Variants in HERC1 observed in about 807,000 individuals in gnomAD.
HERC1 encodes probable E3 ubiquitin-protein ligase HERC1.
Under a neutral mutation model 554.3 loss-of-function variants are expected in HERC1, and 160 were observed. That is an observed-to-expected ratio of 0.29 (90% CI 0.25 to 0.33). HERC1 has a LOEUF of 0.33. Among genes scored for constraint, HERC1 ranks in the 10% least tolerant of loss-of-function variants. The pLI, the probability that HERC1 is intolerant of heterozygous loss-of-function variation, is 1.00. For synonymous variants in HERC1, 2,175 were observed against 2,131.7 expected (o/e 1.02, Z -0.56); for missense variants, 4,919 against 5,918.5 (o/e 0.83, Z 5.54).
rs28549901 is a variant in HERC1 at position 63,772,134 on chromosome 15, G to A, written c.930+2560C>T. 1.7e-4 allele frequency among the ~76,000 whole-genome samples: 26 copies of A among 151,174 alleles called. No homozygotes were observed. In the South Asian group the frequency reaches 4.6e-3, roughly 27 times the overall value. On this transcript the variant is annotated intron_variant, in intron 2 of 77. Transcript: ENST00000443617. Reference sequence around the variant, plus strand: ...CAAAACTCCATCTCAAAAAAAAAAAGGGAAAAAGGAAAAATATTTAAACTA... The same window carrying A: ...CAAAACTCCATCTCAAAAAAAAAAAAGGAAAAAGGAAAAATATTTAAACTA...
In HERC1 at chr15:63,753,152, A is replaced by G. The variant is rs1175480385; in HGVS notation, c.1775-67T>C. The G allele has an allele frequency of 5.7e-6, 7 of 1,218,816 alleles. No individual in the cohort carries two copies. In the East Asian group the frequency reaches 1.3e-4, roughly 22 times the overall value. The allele number at this position is 1,218,816 out of a possible 1,614,324, so 75.5% of individuals were successfully genotyped here. On this transcript the variant is annotated intron_variant, in intron 7 of 77. Transcript: ENST00000443617. The stretch of plus-strand genomic sequence containing the variant: ...AACCTCTACTCTTTTTAACACTACT[A>G]AAGTTGATAAGGAGCTCTAATGTTT...
rs746255337 is a variant in HERC1 at position 63,692,740 on chromosome 15, G to C, written c.5675-174C>G. ...GAATGGGGAAAGGTCAGAAAACAAA[G>C]CCTAAACTTGAAACGCCTTTTACAT... On this transcript the variant is annotated intron_variant, in intron 30 of 77. Coordinates refer to ENST00000443617, the MANE Select transcript of HERC1 (RefSeq NM_003922.4). This position sits in a 1 kb window ranked among gnomAD's most constrained non-coding sequence, Gnocchi z 4.7. Among the ~76,000 whole-genome samples the C allele has an allele frequency of 4.3e-4, 66 of 152,160 alleles. 1 individual carries two copies. The highest frequency in any genetic ancestry group is 5.9e-4 in the Admixed American group (9 of 15,282).
rs1293031380 is a variant in HERC1, at chr15:63,635,988, C to T, written c.12387G>A (p.Glu4129=). 1 of 1,613,892 alleles carries T rather than the reference C, an allele frequency of 6.2e-7. No individual in the cohort carries two copies. The highest frequency in any genetic ancestry group is 8.5e-7 in the Non-Finnish European group (1 of 1,179,850). Residue 4129 remains glutamate, a synonymous_variant, in exon 65 of 78, where the codon GAG becomes GAA. Coordinates refer to ENST00000443617, the MANE Select transcript of HERC1 (RefSeq NM_003922.4). The part of the protein sequence containing the change: ...SDRQRRPRQI[E]ALQGEEVVQM... ...GCACCACTTCTTCTCCTTGTAAGGC[C>T]TCGATCTGCCTGGGCCGCCGCTGCC...
chr15:63,619,710 G>A (rs1475009026), intron 74 of HERC1, among the ~76,000 whole-genome samples: 1 of 152,030 alleles, frequency 6.6e-6, no homozygotes, highest in Non-Finnish European at 1.5e-5. Flanking sequence ...ACTTCTTCCT[G>A]GTTTAGTCTT....
chr15:63,819,338 C>T (rs2077603987), intron 1 of HERC1, among the ~76,000 whole-genome samples: 2 of 152,162 alleles, frequency 1.3e-5, no homozygotes, highest in South Asian at 4.1e-4. Context: ...GCCTGCCTGT[C>T]TCACAGAGGT....
intron 21 of HERC1, among the ~76,000 whole-genome samples, chr15:63,717,556 C>T (rs2073612917): frequency 1.3e-5 from 2 of 152,152 alleles, no homozygotes; most frequent in Admixed American, 1.3e-4. Context: ...CTGGACTGTT[C>T]TTAATAAGTA....
chr15:63,765,644 C>A (rs1162133101), intron 2 of HERC1, among the ~76,000 whole-genome samples: 1 of 152,110 alleles, frequency 6.6e-6, no homozygotes, highest in Non-Finnish European at 1.5e-5. Flanking sequence ...AACGGCCAAT[C>A]AGAATATGTT....
chr15:63,637,846 G>C (rs983235583), intron 63 of HERC1, among the ~76,000 whole-genome samples: 49 of 152,106 alleles, frequency 3.2e-4, no homozygotes, highest in Non-Finnish European at 6.2e-4. Flanking sequence ...AGATGTATGA[G>C]ATTCATCCAT....
chr15:63,694,658 C>T lies in HERC1; in HGVS notation c.5243-109G>A. On this transcript the variant is annotated intron_variant, in intron 28 of 77. Coordinates refer to ENST00000443617, the MANE Select transcript of HERC1 (RefSeq NM_003922.4). The surrounding 1 kb of genome is among the most constrained non-coding windows in gnomAD (Gnocchi z 4.3). ...AACATGAAACACTAAATTATTTATTCTTTACCTATAAGTTTATCTACTAAT... is the reference window on the plus strand; with the variant it reads ...AACATGAAACACTAAATTATTTATTTTTTACCTATAAGTTTATCTACTAAT... The T allele has an allele frequency of 6.9e-7, 1 of 1,456,490 alleles. No individual in the cohort carries two copies. The highest frequency in any genetic ancestry group is 9.6e-7 in the Non-Finnish European group (1 of 1,046,860). The allele number at this position is 1,456,490 out of a possible 1,614,324, so 90.2% of individuals were successfully genotyped here.
chr15:63,613,189 C>T (rs77005371), intron 76 of HERC1, among the ~76,000 whole-genome samples: 3 of 152,074 alleles, frequency 2.0e-5, no homozygotes, highest in Admixed American at 6.6e-5. Flanking sequence ...TTAATTTTTC[C>T]GTCTGAAAAA....
At chr15:63,720,440 C>CA (rs2073770804) in intron 19 of HERC1, among the ~76,000 whole-genome samples, 1 of 152,086 alleles carries the variant, frequency 6.6e-6, no homozygotes, top group Non-Finnish European at 1.5e-5. Context: ...TACTTATAAA[C>CA]AAAACAAAAC....
intron 14 of HERC1, among the ~76,000 whole-genome samples, chr15:63,732,170 T>G (rs1054019780): frequency 2.0e-5 from 3 of 151,968 alleles, no homozygotes; most frequent in African/African-American, 7.3e-5. Flanking sequence ...CTGGCTAATT[T>G]TTGCATTTTT....
In HERC1 at chr15:63,637,592, A is replaced by G. The variant is rs1194183123; in HGVS notation, c.12145T>C (p.Leu4049=). ...CCATAACTTCCTTCCCCACAAGCCAACACTGTGCCATTGGCCTGGATGACA... is the reference window on the plus strand; with the variant it reads ...CCATAACTTCCTTCCCCACAAGCCAGCACTGTGCCATTGGCCTGGATGACA... The part of the protein sequence containing the change: ...TFVIQANGTV[L]ACGEGSYGRL... The change falls in exon 64 of 78, where the codon TTG becomes CTG. Residue 4049 remains leucine, a synonymous_variant. Coordinates refer to ENST00000443617, the MANE Select transcript of HERC1 (RefSeq NM_003922.4). 5.1e-6 allele frequency: 8 copies of G among 1,554,698 alleles called. No homozygotes were observed. The highest frequency in any genetic ancestry group is 3.9e-5 in the Admixed American group (2 of 51,098).
At position 63,732,909 on chromosome 15, in the gene HERC1, G is replaced by A; in HGVS notation, c.2868+15C>T. ...CCCTTTATTCTTTTTTTACTACAAT[G>A]AAAGAACAACTTACTGTATAAAATC... On this transcript the variant is annotated intron_variant, in intron 14 of 77. Transcript: ENST00000443617. 1 of 1,521,516 alleles carries A rather than the reference G, an allele frequency of 6.6e-7. No homozygotes were observed. Among genetic ancestry groups the A allele is most frequent in the South Asian group, 1.1e-5 (1 of 88,732 alleles). 94.3% of individuals were successfully genotyped at this position (1,521,516 alleles called of 1,614,324 possible). A position where few individuals can be genotyped will look rare whatever the true frequency, so the allele number is the denominator to read the frequency against.
chr15:63,767,527 T>A (rs1182307598), intron 2 of HERC1, among the ~76,000 whole-genome samples: 1 of 151,962 alleles, frequency 6.6e-6, no homozygotes, highest in African/African-American at 2.4e-5. Flanking sequence ...TGAAACCCCA[T>A]CTCTACTAAA....
chr15:63,654,257 C>A lies in HERC1; in HGVS notation c.10152G>T (p.Arg3384=). Residue 3384 remains arginine (R), a synonymous_variant, in exon 51 of 78, where the codon CGG becomes CGT. Coordinates refer to ENST00000443617, the MANE Select transcript of HERC1 (RefSeq NM_003922.4). The stretch of plus-strand genomic sequence containing the variant: ...GCACGAGTTGCTGAGCTGCCCATTG[C>A]CGATGCTGTGAGGACAGCCTGGAGG... ...CLSSRLSSQH[R]QWAAQQLVRT... is the part of the protein sequence containing the mutation. 1 of 1,613,986 alleles carries A rather than the reference C, an allele frequency of 6.2e-7. No homozygotes were observed. The highest frequency in any genetic ancestry group is 8.5e-7 in the Non-Finnish European group (1 of 1,179,870).
chr15:63,696,039 C>A (rs1397971418), intron 27 of HERC1, 85 bp downstream of exon 27: 22 of 1,010,152 alleles, frequency 2.2e-5, no homozygotes, highest in Non-Finnish European at 3.3e-5. Context: ...TAAACTGAAT[C>A]ATAAACACCA....
At chr15:63,623,138 T>C (rs2068158558) in intron 73 of HERC1, among the ~76,000 whole-genome samples, 1 of 152,198 alleles carries the variant, frequency 6.6e-6, no homozygotes, top group African/African-American at 2.4e-5. Context: ...GCAGGAGTAG[T>C]GGTGGCTGTG....
At position 63,678,139 on chromosome 15, in the gene HERC1, C is replaced by A. The variant is rs112791137; in HGVS notation, c.6776G>T (p.Arg2259Leu). The A allele has an allele frequency of 1.2e-6, 2 of 1,613,948 alleles. No individual in the cohort carries two copies. Among genetic ancestry groups the A allele is most frequent in the South Asian group, 1.1e-5 (1 of 91,078 alleles). The stretch of plus-strand genomic sequence containing the variant: ...ATTTTCCTCTCGGCTCTGAACCGAG[C>A]GGCTTTTCTTTAGCTTCTGACCTGA... ...KESGQKLKKS[R>L]SVQSREENEM... Residue 2259 changes from arginine to leucine, a missense_variant, in exon 37 of 78, where the codon CGC becomes CTC. Coordinates refer to ENST00000443617, the MANE Select transcript of HERC1 (RefSeq NM_003922.4).
Sources: allele counts gnomAD v4.1 joint callset (sites outside exome capture counted in the v4.1 genomes callset), GRCh38; gene constraint gnomAD v4.1.1; non-coding constraint Gnocchi (gnomAD v3.1); transcripts MANE v1.5; gene names NCBI Gene and HGNC (gene_info 2026-07-23, HGNC 2026-07-21).